The following DIAPH3 variants were observed in gnomAD, a reference collection of about 807,000 sequenced individuals.
DIAPH3 encodes diaphanous related formin 3.
Under a neutral mutation model 144.3 loss-of-function variants are expected in DIAPH3, and 117 were observed. The observed-to-expected ratio is 0.81, with a 90% CI of 0.70 to 0.95. The LOEUF (loss-of-function observed/expected upper bound fraction) is 0.95. DIAPH3 is among the 40% of genes least tolerant of loss of function. DIAPH3 has a pLI of 0.00. For missense variants in DIAPH3, 1,421 were observed against 1,412.7 expected (o/e 1.01, Z -0.09); for synonymous variants, 519 against 488.9 (o/e 1.06, Z -0.81).
intron 2 of DIAPH3, among the ~76,000 whole-genome samples, chr13:60,127,347 A>C (rs929776654): frequency 6.6e-6 from 1 of 152,148 alleles, no homozygotes; most frequent in Non-Finnish European, 1.5e-5. Flanking sequence ...AGATTACTTG[A>C]ATAGTCCTAT....
In DIAPH3 at chr13:60,003,823, G is replaced by A. The variant is rs1010765204; in HGVS notation, c.1014+4721C>T. On this transcript the variant is annotated intron_variant, in intron 9 of 27. Coordinates refer to ENST00000400324, the MANE Select transcript of DIAPH3 (RefSeq NM_001042517.2). ...TCTCAATCTCCTGACCTTGTGATTC[G>A]TCTGTCTCGGCCTCCCAAAGTGCTG... Among the ~76,000 whole-genome samples the A allele has an allele frequency of 6.6e-5, 10 of 151,898 alleles. 1 individual carries two copies. The highest frequency in any genetic ancestry group is 3.9e-4 in the Admixed American group (6 of 15,234).
rs181155239 is a variant in DIAPH3, at chr13:60,029,624, G to A, written c.626+13066C>T. 3.8e-3 allele frequency among the ~76,000 whole-genome samples: 572 copies of A among 152,288 alleles called. 2 individuals are homozygous for A. Among genetic ancestry groups the A allele is most frequent in the African/African-American group, 0.012 (504 of 41,566 alleles). On this transcript the variant is annotated intron_variant, in intron 5 of 27. Coordinates refer to ENST00000400324, the MANE Select transcript of DIAPH3 (RefSeq NM_001042517.2). ...CTCCATCCTGCCACCCTGTGAAGAA[G>A]GTGCCTGCTTCTCCTTTGCCTTCTG...
chr13:59,983,811 T>A lies in DIAPH3; in HGVS notation c.1438A>T (p.Thr480Ser). 2 of 1,609,744 alleles carry A rather than the reference T, an allele frequency of 1.2e-6. No individual in the cohort carries two copies. The highest frequency in any genetic ancestry group is 1.7e-6 in the Non-Finnish European group (2 of 1,177,026). ...LHRDGMDPDFTYRKRLDLDLT... is the reference protein window; with the variant it reads ...LHRDGMDPDFSYRKRLDLDLT... ...TCTAAATCTAGTCTTTTTCGATATG[T>A]GAAGTCTGGATCCATTCCATCTCTA... The change falls in exon 13 of 28, where the codon ACA becomes TCA. Residue 480 changes from threonine (T) to serine (S), a missense_variant. Physicochemically the swap from Thr to Ser is moderately conservative, Grantham distance 58 (BLOSUM62 1). Transcript: ENST00000400324.
At chr13:60,157,358 G>T (rs1029635936) in intron 1 of DIAPH3, among the ~76,000 whole-genome samples, 16 of 152,080 alleles carry the variant, frequency 1.1e-4, no homozygotes, top group Non-Finnish European at 5.9e-5. Flanking sequence ...TCCTGACTAT[G>T]GCCAAAGGCA....
intron 27 of DIAPH3, 113 bp from the exon 28 acceptor site, chr13:59,666,959 A>G: frequency 7.9e-7 from 1 of 1,264,198 alleles, no homozygotes; most frequent in Non-Finnish European, 1.1e-6. Flanking sequence ...GTCTTCTTAG[A>G]TAGACTAAAC....
intron 1 of DIAPH3, among the ~76,000 whole-genome samples, chr13:60,152,768 C>G (rs1464768600): frequency 2.0e-5 from 3 of 151,522 alleles, no homozygotes; most frequent in Non-Finnish European, 4.4e-5. Context: ...CTTATTTAAC[C>G]AAAAAAACTA....
chr13:60,093,149 C>A (rs1172753424), intron 4 of DIAPH3, among the ~76,000 whole-genome samples: 1 of 152,202 alleles, frequency 6.6e-6, no homozygotes, highest in African/African-American at 2.4e-5. Context: ...AGAAAATTGG[C>A]AGCCATGTAG....
At chr13:59,697,168 G>A (rs992763084) in intron 27 of DIAPH3, among the ~76,000 whole-genome samples, 5 of 151,876 alleles carry the variant, frequency 3.3e-5, no homozygotes, top group African/African-American at 1.2e-4. Flanking sequence ...TTTTAGAAGA[G>A]GGGATTCAGG....
chr13:59,720,361 C>G (rs1032293052), intron 27 of DIAPH3, among the ~76,000 whole-genome samples: 4 of 151,790 alleles, frequency 2.6e-5, no homozygotes, highest in Non-Finnish European at 5.9e-5. Context: ...TAGTCCAAAA[C>G]TAAATTCTAA....
intron 2 of DIAPH3, among the ~76,000 whole-genome samples, chr13:60,125,394 A>ATTTTTTT (rs56267083): frequency 1.9e-4 from 19 of 97,860 alleles, no homozygotes; most frequent in East Asian, 8.4e-4. Context: ...CACCCAGCTA[A>ATTTTTTT]TTTTTTTTTT....
rs375635831 is a variant in DIAPH3 at position 59,985,607 on chromosome 13, T to G, written c.1362-1720A>C. ...TCAGCCCAAAATCTCCTTAAGCTGA[T>G]AAGCAACTTCAGCAAAGTCTCAGGA... On this transcript the variant is annotated intron_variant, in intron 12 of 27. Coordinates refer to ENST00000400324, the MANE Select transcript of DIAPH3 (RefSeq NM_001042517.2). Among the ~76,000 whole-genome samples, 26 of 56,514 alleles carry G rather than the reference T, an allele frequency of 4.6e-4. 4 individuals are homozygous for G. Among genetic ancestry groups the G allele is most frequent in the South Asian group, 1.5e-3 (2 of 1,334 alleles). The allele number at this position is 56,514 out of a possible 152,430, so 37.1% of individuals were successfully genotyped here.
chr13:59,739,326 A>C (rs2036321219), intron 27 of DIAPH3, among the ~76,000 whole-genome samples: 1 of 152,232 alleles, frequency 6.6e-6, no homozygotes, highest in African/African-American at 2.4e-5. Flanking sequence ...TATAATACAA[A>C]AACCACATCA....
chr13:60,071,601 C>T (rs930727155), intron 4 of DIAPH3, among the ~76,000 whole-genome samples: 1 of 152,114 alleles, frequency 6.6e-6, no homozygotes, highest in Non-Finnish European at 1.5e-5. Flanking sequence ...AATGCTTCTT[C>T]CAAACCTATG....
chr13:59,913,966 CA>C (rs2047114369), intron 19 of DIAPH3, among the ~76,000 whole-genome samples: 1 of 150,606 alleles, frequency 6.6e-6, no homozygotes, highest in Admixed American at 6.6e-5. Flanking sequence ...AAAAAAAAAA[CA>C]AAAGTAATAA....
intron 24 of DIAPH3, among the ~76,000 whole-genome samples, chr13:59,820,723 T>G (rs762969166): frequency 1.3e-5 from 2 of 150,730 alleles, no homozygotes; most frequent in Non-Finnish European, 3.0e-5. Context: ...TAAAATAAAA[T>G]TTTAATAAAA....
chr13:59,803,570 AAAAG>A (rs1187797885), intron 25 of DIAPH3, among the ~76,000 whole-genome samples: 1 of 152,210 alleles, frequency 6.6e-6, no homozygotes, highest in Non-Finnish European at 1.5e-5. Context: ...AGAAAGTTTA[AAAAG>A]AAAGAAAGAA....
intron 1 of DIAPH3, among the ~76,000 whole-genome samples, chr13:60,152,530 A>T (rs1951835561): frequency 6.6e-6 from 1 of 151,292 alleles, no homozygotes; most frequent in African/African-American, 2.4e-5. Flanking sequence ...AAAAAATCAA[A>T]ATTGAATTTA....
chr13:59,829,990 A>G (rs763633872), intron 24 of DIAPH3, among the ~76,000 whole-genome samples: 5 of 151,952 alleles, frequency 3.3e-5, no homozygotes, highest in Non-Finnish European at 5.9e-5. Flanking sequence ...AACAATGGAA[A>G]CATTTTAACA....
At chr13:60,091,825 C>G (rs1418361840) in intron 4 of DIAPH3, among the ~76,000 whole-genome samples, 2 of 151,820 alleles carry the variant, frequency 1.3e-5, no homozygotes, top group Non-Finnish European at 2.9e-5. Context: ...ATGAAATAAA[C>G]AATTTAATTT....
Sources: allele counts gnomAD v4.1 joint callset (sites outside exome capture counted in the v4.1 genomes callset), GRCh38; gene constraint gnomAD v4.1.1; transcripts MANE v1.5; gene names NCBI Gene and HGNC (gene_info 2026-07-23, HGNC 2026-07-21).